Variants in FMN2 observed in about 807,000 individuals in gnomAD.
The protein encoded by FMN2 is formin-2.
In FMN2, 51 loss-of-function variants were observed where a neutral mutation model predicts 142.3. That is an observed-to-expected ratio of 0.36 (90% CI 0.29 to 0.45). FMN2 has a LOEUF of 0.45. Ranked by LOEUF, FMN2 falls within the 20% of genes least tolerant of loss-of-function variation. The pLI is 1.00. For missense variants in FMN2, 1,936 were observed against 2,122.8 expected (o/e 0.91, Z 1.73); for synonymous variants, 882 against 869.8 (o/e 1.01, Z -0.25).
chr1:240,367,713 A>C (rs1013637988), intron 14 of FMN2, among the ~76,000 whole-genome samples: 1 of 144,238 alleles, frequency 6.9e-6, no homozygotes, highest in Non-Finnish European at 1.5e-5. Flanking sequence ...GGTTGCAGTG[A>C]GCCGAGATCA....
chr1:240,260,338 A>G (rs1012501327), intron 7 of FMN2, among the ~76,000 whole-genome samples: 1 of 152,164 alleles, frequency 6.6e-6, no homozygotes, highest in Non-Finnish European at 1.5e-5. Flanking sequence ...ACTGTTTTCC[A>G]TAGTGGTTGT....
chr1:240,284,839 A>G (rs1056979596), intron 7 of FMN2, among the ~76,000 whole-genome samples: 1 of 152,096 alleles, frequency 6.6e-6, no homozygotes, highest in Admixed American at 6.6e-5. Context: ...GCTGGGCTAG[A>G]GTGTGAACCA....
chr1:240,303,645 T>G (rs1670281349), intron 8 of FMN2, among the ~76,000 whole-genome samples: 1 of 152,210 alleles, frequency 6.6e-6, no homozygotes, highest in Admixed American at 6.5e-5. Context: ...TGTAGGGCTC[T>G]TTGGATTAAC....
intron 2 of FMN2, among the ~76,000 whole-genome samples, chr1:240,162,640 T>C (rs1340044396): frequency 1.3e-5 from 2 of 152,140 alleles, no homozygotes; most frequent in Non-Finnish European, 2.9e-5. Context: ...AATGTTATGT[T>C]TCCTTTTTTA....
chr1:240,199,893 AC>A (rs1666063946), intron 4 of FMN2, among the ~76,000 whole-genome samples: 1 of 152,220 alleles, frequency 6.6e-6, no homozygotes, highest in African/African-American at 2.4e-5. Flanking sequence ...TTCTTTTTTT[AC>A]AACAAAATGT....
At chr1:240,381,329 C>A (rs1350252695) in intron 14 of FMN2, among the ~76,000 whole-genome samples, 1 of 152,120 alleles carries the variant, frequency 6.6e-6, no homozygotes, top group Non-Finnish European at 1.5e-5. Context: ...TTATACATCA[C>A]CATCAAGTGG....
At chr1:240,472,670 G>A (rs182988135) in intron 17 of FMN2, among the ~76,000 whole-genome samples, 4 of 152,178 alleles carry the variant, frequency 2.6e-5, no homozygotes, top group African/African-American at 7.2e-5. Context: ...AATTGGGCTG[G>A]GGGTGGTGGC....
At chr1:240,383,696 A>G (rs1572252520) in intron 14 of FMN2, among the ~76,000 whole-genome samples, 1 of 152,126 alleles carries the variant, frequency 6.6e-6, no homozygotes, top group East Asian at 1.9e-4. Flanking sequence ...TCAAAGAACT[A>G]AAAGGAGAAC....
At chr1:240,278,266 C>T (rs950694122) in intron 7 of FMN2, among the ~76,000 whole-genome samples, 7 of 152,166 alleles carry the variant, frequency 4.6e-5, no homozygotes, top group African/African-American at 1.7e-4. Flanking sequence ...CTTTGGAGTG[C>T]TGTATTCCCA....
chr1:240,188,533 G>A (rs1237970900), intron 4 of FMN2, among the ~76,000 whole-genome samples: 1 of 152,096 alleles, frequency 6.6e-6, no homozygotes, highest in Non-Finnish European at 1.5e-5. Flanking sequence ...CAATAACAGC[G>A]GGCTCCAGCA....
Position 240,207,085 on chromosome 1 carries a change from C to T in FMN2, c.2273C>T (p.Pro758Leu), listed in dbSNP as rs1451810683. The part of the protein sequence containing the change: ...PTEEGGVLTL[P>L]PVDGLPGRPP... ...GAAGAGGGCGGGGTGCTGACACTGC[C>T]TCCTGTGGATGGGCTGCCAGGGCGT... is the stretch of plus-strand genomic sequence containing the variant. The change falls in exon 5 of 18, where the codon CCT becomes CTT. Residue 758 changes from proline to leucine, a missense_variant. Pro to Leu is a moderately conservative substitution (Grantham distance 98, BLOSUM62 -3). Coordinates refer to ENST00000319653, the MANE Select transcript of FMN2 (RefSeq NM_020066.5). The T allele has an allele frequency of 5.0e-6, 8 of 1,614,010 alleles. No homozygotes were observed. The Admixed American group carries it at 8.3e-5, about 17-fold the overall frequency.
chr1:240,333,993 T>C (rs779026659), intron 12 of FMN2, 47 bp downstream of exon 12: 2 of 1,580,864 alleles, frequency 1.3e-6, no homozygotes, highest in Non-Finnish European at 1.7e-6. Flanking sequence ...TCTTTATTCG[T>C]TGGATGATTT....
chr1:240,407,922 A>T (rs915682793), intron 15 of FMN2, among the ~76,000 whole-genome samples: 2 of 152,318 alleles, frequency 1.3e-5, no homozygotes, highest in African/African-American at 2.4e-5. Flanking sequence ...CTGATTTTTG[A>T]CAGAGAAAGG....
intron 14 of FMN2, among the ~76,000 whole-genome samples, chr1:240,371,235 C>T (rs1369559743): frequency 1.3e-5 from 2 of 152,138 alleles, no homozygotes; most frequent in Non-Finnish European, 2.9e-5. Context: ...GTTGAGATTA[C>T]AGTCATGAGC....
chr1:240,279,191 T>C (rs1275114090), intron 7 of FMN2, among the ~76,000 whole-genome samples: 1 of 152,178 alleles, frequency 6.6e-6, no homozygotes, highest in African/African-American at 2.4e-5. Context: ...CCTATATTTT[T>C]ACTATTTGCA....
At chr1:240,405,044 G>A (rs890006914) in intron 15 of FMN2, among the ~76,000 whole-genome samples, 2 of 152,088 alleles carry the variant, frequency 1.3e-5, no homozygotes, top group East Asian at 1.9e-4. Flanking sequence ...AAAAATATTT[G>A]TTGGCCTAGA....
At chr1:240,423,412 CA>C (rs1674837710) in intron 15 of FMN2, among the ~76,000 whole-genome samples, 1 of 152,130 alleles carries the variant, frequency 6.6e-6, no homozygotes, top group Admixed American at 6.5e-5. Flanking sequence ...ATAAAAAACG[CA>C]AAAGCAATGG....
chr1:240,272,972 T>C (rs1669071937), intron 7 of FMN2, among the ~76,000 whole-genome samples: 1 of 152,140 alleles, frequency 6.6e-6, no homozygotes, highest in South Asian at 2.1e-4. Context: ...AAAAGCACAG[T>C]TTCCAAATCT....
intron 15 of FMN2, among the ~76,000 whole-genome samples, chr1:240,413,788 G>A (rs911282970): frequency 6.6e-6 from 1 of 152,172 alleles, no homozygotes; most frequent in African/African-American, 2.4e-5. Flanking sequence ...GTTATAAACT[G>A]CATTCGTGCC....
Sources: gnomAD v4.1 joint callset for allele counts (sites outside exome capture counted in the v4.1 genomes callset) on GRCh38, gnomAD v4.1.1 for gene constraint, MANE v1.5 for transcripts, NCBI Gene and HGNC (gene_info 2026-07-23, HGNC 2026-07-21) for gene names.